DNM2: variants seen among roughly 807,000 people sequenced by gnomAD.
DNM2 encodes the protein dynamin 2.
In DNM2, 15 loss-of-function variants were observed where a neutral mutation model predicts 99.0. That is an observed-to-expected ratio of 0.15 (90% CI 0.10 to 0.23). The LOEUF is 0.23. Among genes scored for constraint, DNM2 ranks in the 10% least tolerant of loss-of-function variants. DNM2 has a pLI of 1.00. For synonymous variants in DNM2, 525 were observed against 481.2 expected (o/e 1.09, Z -1.19); for missense variants, 742 against 1,189.4 (o/e 0.62, Z 5.53).
intron 1 of DNM2, among the ~76,000 whole-genome samples, chr19:10,734,830 T>C (rs1181297072): frequency 2.0e-5 from 3 of 149,598 alleles, no homozygotes; most frequent in Non-Finnish European, 3.0e-5. Flanking sequence ...GGACTGGACA[T>C]TGCATCTAGT....
In DNM2 at chr19:10,718,398, G is replaced by C; in HGVS notation, c.156G>C (p.Val52=). 2.0e-6 allele frequency: 3 copies of C among 1,474,982 alleles called. No individual in the cohort carries two copies. The highest frequency in any genetic ancestry group is 2.7e-6 in the Non-Finnish European group (3 of 1,111,076). 91.4% of individuals were successfully genotyped at this position (1,474,982 alleles called of 1,614,324 possible). A position where few individuals can be genotyped will look rare whatever the true frequency, so the allele number is the denominator to read the frequency against. ...AGAGCTCGGTGCTGGAGAACTTCGT[G>C]GGCCGGTGAGCGGGCGCGGCAGGGA... ...AGKSSVLENF[V]GRDFLPRGSG... Residue 52 remains valine, a synonymous_variant, in exon 1 of 21, where the codon GTG becomes GTC. Coordinates refer to ENST00000389253, the MANE Select transcript of DNM2 (RefSeq NM_001005361.3).
chr19:10,797,501 A>C lies in DNM2; in HGVS notation c.1318A>C (p.Lys440Gln), dbSNP rs1308602620. 1 of 1,613,830 alleles carries C rather than the reference A, an allele frequency of 6.2e-7. No homozygotes were observed. The highest frequency in any genetic ancestry group is 8.5e-7 in the Non-Finnish European group (1 of 1,179,936). The change falls in exon 10 of 21, where the codon AAA becomes CAA. Residue 440 changes from lysine (K) to glutamine (Q), a missense_variant. Around this residue, in one of 7 missense-constraint regions of DNM2, gnomAD observed 240 missense variants for 431.3 expected, o/e 0.56. Coordinates refer to ENST00000389253, the MANE Select transcript of DNM2 (RefSeq NM_001005361.3). ...LVVSELATVI[K>Q]KCAEKLSSYP... ...GGTCTCAGAGCTGGCCACGGTCATA[A>C]AAAAGTGTGCCGAGAAGGTAACAGG...
At chr19:10,761,988 G>T (rs963862326) in intron 2 of DNM2, among the ~76,000 whole-genome samples, 3 of 152,204 alleles carry the variant, frequency 2.0e-5, no homozygotes, top group African/African-American at 4.8e-5. Context: ...ATCAGTGTTG[G>T]TAGTTTTCTG....
At chr19:10,751,682 C>A (rs747653643) in intron 1 of DNM2, among the ~76,000 whole-genome samples, 46 of 152,204 alleles carry the variant, frequency 3.0e-4, no homozygotes, top group Admixed American at 2.2e-3. Context: ...CGGATAAGTC[C>A]CAGGGCTCCT....
chr19:10,745,282 A>G (rs948456346), intron 1 of DNM2, among the ~76,000 whole-genome samples: 1 of 152,152 alleles, frequency 6.6e-6, no homozygotes, highest in Non-Finnish European at 1.5e-5. Flanking sequence ...GCCAGTGGAC[A>G]TTTAGGTCAT....
In DNM2 at chr19:10,812,071, A is replaced by C; in HGVS notation, c.1558-193A>C. ...AGTCTGTCTGTCCGCCCACCTGCCC[A>C]GGTGGCGCCTCATGTTGGTTTCCTG... On this transcript the variant is annotated intron_variant, in intron 14 of 20. Transcript: ENST00000389253. The surrounding 1 kb of genome is among the most constrained non-coding windows in gnomAD (Gnocchi z 4.0). 1.8e-6 allele frequency: 1 copy of C among 549,100 alleles called. No homozygotes were observed. 34.0% of individuals were successfully genotyped at this position (549,100 alleles called of 1,614,324 possible).
In DNM2 at chr19:10,830,570, G is replaced by A. The variant is rs367722866; in HGVS notation, c.2543+192G>A. 14 of 722,874 alleles carry A rather than the reference G, an allele frequency of 1.9e-5. No homozygotes were observed. The highest frequency in any genetic ancestry group is 1.5e-4 in the Admixed American group (5 of 34,454). 44.8% of individuals were successfully genotyped at this position (722,874 alleles called of 1,614,324 possible). A position where few individuals can be genotyped will look rare whatever the true frequency, so the allele number is the denominator to read the frequency against. ...GGCTTGTTCAGTGTCACAGAGTAGC[G>A]GAGCCCTGGTGACTCCGGGGCTCCC... On this transcript the variant is annotated intron_variant, in intron 20 of 20. Transcript: ENST00000389253. The surrounding 1 kb of genome is among the most constrained non-coding windows in gnomAD (Gnocchi z 4.8).
chr19:10,741,699 G>A (rs574820458), intron 1 of DNM2, among the ~76,000 whole-genome samples: 5 of 151,998 alleles, frequency 3.3e-5, no homozygotes, highest in South Asian at 2.1e-4. Flanking sequence ...ACAGGTGTCC[G>A]CCACCATGCC....
At position 10,831,413 on chromosome 19, in the gene DNM2, T is replaced by A; in HGVS notation, c.*366T>A. ...AAGCCCATGTAGGGCAGGCCTTCTA[T>A]AAGTGCGGGCACCAAGGGCGCCTAC... On this transcript the variant is annotated 3_prime_UTR_variant, in exon 21 of 21. Transcript: ENST00000389253. This position sits in a 1 kb window ranked among gnomAD's most constrained non-coding sequence, Gnocchi z 4.3. 1 of 1,038,134 alleles carries A rather than the reference T, an allele frequency of 9.6e-7. No individual in the cohort carries two copies. Among genetic ancestry groups the A allele is most frequent in the Non-Finnish European group, 1.2e-6 (1 of 864,378 alleles). 64.3% of individuals were successfully genotyped at this position (1,038,134 alleles called of 1,614,324 possible).
chr19:10,731,813 C>T (rs750596356), intron 1 of DNM2, among the ~76,000 whole-genome samples: 16 of 152,358 alleles, frequency 1.1e-4, no homozygotes, highest in South Asian at 2.1e-4. Flanking sequence ...GCCAGTCAGA[C>T]GGAAGCCCGG....
chr19:10,737,976 T>C (rs2069591535), intron 1 of DNM2, among the ~76,000 whole-genome samples: 1 of 152,170 alleles, frequency 6.6e-6, no homozygotes, highest in Non-Finnish European at 1.5e-5. Context: ...CACTCAGCAA[T>C]GTCTGCTGAG....
chr19:10,827,952 C>T (rs560515953), intron 18 of DNM2, among the ~76,000 whole-genome samples: 1 of 152,102 alleles, frequency 6.6e-6, no homozygotes, highest in African/African-American at 2.4e-5. Flanking sequence ...AATTCATGAA[C>T]AGAAACTAGT....
At chr19:10,761,114 G>C (rs6511711) in intron 2 of DNM2, among the ~76,000 whole-genome samples, 143,002 of 152,016 alleles carry the variant, frequency 0.94, 67,483 homozygotes, top group East Asian at 1. Flanking sequence ...TCAGCCTCCT[G>C]AGTTGCTGGG....
Position 10,796,399 on chromosome 19 carries a change from G to C in DNM2, c.1196+960G>C, listed in dbSNP as rs1599570564. On this transcript the variant is annotated intron_variant, in intron 9 of 20. Transcript: ENST00000389253. The surrounding 1 kb of genome is among the most constrained non-coding windows in gnomAD (Gnocchi z 5.6). ...GCCCAGGCACACAGGGGAGTGCCAG[G>C]CCTCCTGGACTGGCCAGACAGATGC... Among the ~76,000 whole-genome samples the C allele has an allele frequency of 1.3e-5, 2 of 152,116 alleles. No individual in the cohort carries two copies. Among genetic ancestry groups the C allele is most frequent in the South Asian group, 4.1e-4 (2 of 4,832 alleles).
At chr19:10,803,874 G>A (rs2072243795) in intron 12 of DNM2, among the ~76,000 whole-genome samples, 3 of 152,178 alleles carry the variant, frequency 2.0e-5, no homozygotes. Context: ...CCTGCAGGCT[G>A]GGGAGGTGGA....
rs1411956503 is a variant in DNM2, at chr19:10,830,674, CCTT to C, written c.2544-298_2544-296del. 6.7e-5 allele frequency: 39 copies of C among 581,134 alleles called. No individual in the cohort carries two copies. Among genetic ancestry groups the C allele is most frequent in the Non-Finnish European group, 1.1e-4 (35 of 329,960 alleles). 36.0% of individuals were successfully genotyped at this position (581,134 alleles called of 1,614,324 possible). On this transcript the variant is annotated intron_variant, in intron 20 of 20. Coordinates refer to ENST00000389253, the MANE Select transcript of DNM2 (RefSeq NM_001005361.3). This position sits in a 1 kb window ranked among gnomAD's most constrained non-coding sequence, Gnocchi z 4.8. ...ACTGGGCACCTCCTCCCACTGTTTA[CCTT>C]CTTCTCCTTCCTGCTCCTGCCTGCC...
chr19:10,764,961 CTTT>C lies in DNM2; in HGVS notation c.235+5164_235+5166del, dbSNP rs1173396952. ...TATCCTGTTCTTGTTTTTTCTTTTTCTTTTTTTTTTTTTTTTGAGATGGAGTCT... is the reference window on the plus strand; with the variant it reads ...TATCCTGTTCTTGTTTTTTCTTTTTCTTTTTTTTTTTTTGAGATGGAGTCT... On this transcript the variant is annotated intron_variant, in intron 2 of 20. Coordinates refer to ENST00000389253, the MANE Select transcript of DNM2 (RefSeq NM_001005361.3). This position sits in a 1 kb window ranked among gnomAD's most constrained non-coding sequence, Gnocchi z 4.1. Among the ~76,000 whole-genome samples, 5 of 141,886 alleles carry C rather than the reference CTTT, an allele frequency of 3.5e-5. No homozygotes were observed. Among genetic ancestry groups the C allele is most frequent in the Admixed American group, 7.0e-5 (1 of 14,192 alleles). 93.1% of individuals were successfully genotyped at this position (141,886 alleles called of 152,430 possible).
In DNM2 at chr19:10,726,721, G is replaced by A. The variant is rs559812811; in HGVS notation, c.161+8318G>A. 4.6e-5 allele frequency among the ~76,000 whole-genome samples: 7 copies of A among 152,252 alleles called. No individual in the cohort carries two copies. The South Asian group carries it at 8.3e-4, about 18-fold the overall frequency. Reference sequence around the variant, plus strand: ...TCTACTAAAAATACAAAAATTAGCCGGGCGTGGTGGCAGGCGCCTGTAATC... The same window carrying A: ...TCTACTAAAAATACAAAAATTAGCCAGGCGTGGTGGCAGGCGCCTGTAATC... On this transcript the variant is annotated intron_variant, in intron 1 of 20. Coordinates refer to ENST00000389253, the MANE Select transcript of DNM2 (RefSeq NM_001005361.3).
intron 16 of DNM2, chr19:10,823,547 A>G (rs1450815051): frequency 2.1e-5 from 11 of 528,876 alleles, no homozygotes; most frequent in Non-Finnish European, 3.8e-5. Flanking sequence ...GGGGCCCAGG[A>G]AAAGAGAAGA....
Sources: gnomAD v4.1 joint callset for allele counts (sites outside exome capture counted in the v4.1 genomes callset) on GRCh38, gnomAD v4.1.1 for gene constraint, gnomAD v4.1.1 regional missense constraint, Gnocchi (gnomAD v3.1) non-coding constraint, MANE v1.5 for transcripts, NCBI Gene and HGNC (gene_info 2026-07-23, HGNC 2026-07-21) for gene names.